MX2: variants seen among roughly 807,000 people sequenced by gnomAD.
The protein encoded by MX2 is interferon-induced GTP-binding protein Mx2.
MX2 carries 51 observed loss-of-function variants against 74.0 expected under a neutral mutation model. That is an observed-to-expected ratio of 0.69 (90% CI 0.55 to 0.87). MX2 has a LOEUF of 0.87. Ranked by LOEUF, MX2 falls within the 40% of genes least tolerant of loss-of-function variation. The pLI is 0.00. For synonymous variants in MX2, 369 were observed against 339.3 expected, an observed-to-expected ratio of 1.09 and a Z score of -0.96; for missense variants, 832 against 908.7, an observed-to-expected ratio of 0.92 and a Z score of 1.09.
At chr21:41,382,658 A>T in intron 5 of MX2, 94 bp downstream of exon 5, 1 of 1,504,386 alleles carries the variant, frequency 6.6e-7, no homozygotes, top group Non-Finnish European at 9.1e-7. Context: ...GAGCCTTTAC[A>T]CTGAGGGATG....
rs1397854976 is a variant in MX2 at position 41,402,470 on chromosome 21, G to A, written c.1573+342G>A. 6.6e-6 allele frequency among the ~76,000 whole-genome samples: 1 copy of A among 152,166 alleles called. No individual in the cohort carries two copies. Among genetic ancestry groups the A allele is most frequent in the Non-Finnish European group, 1.5e-5 (1 of 68,040 alleles). On this transcript the variant is annotated intron_variant, in intron 11 of 13. Coordinates refer to ENST00000330714, the MANE Select transcript of MX2 (RefSeq NM_002463.2). The surrounding 1 kb of genome is among the most constrained non-coding windows in gnomAD (Gnocchi z 4.5). ...TCTTGTCTTTGGGGGGCAGGCAGAG[G>A]GTGCACATGCACTTCATCTGTATCA...
chr21:41,376,920 A>T lies in MX2; in HGVS notation c.14A>T (p.His5Leu). 9 of 1,613,986 alleles carry T rather than the reference A, an allele frequency of 5.6e-6. No homozygotes were observed. Among genetic ancestry groups the T allele is most frequent in the Non-Finnish European group, 6.8e-6 (8 of 1,180,038 alleles). The change falls in exon 2 of 14, where the codon CAC (histidine) becomes CTC (leucine). Residue 5 changes from histidine to leucine, a missense_variant. Coordinates refer to ENST00000330714, the MANE Select transcript of MX2 (RefSeq NM_002463.2). The stretch of plus-strand genomic sequence containing the variant: ...GGGAGACAGCACATGTCTAAGGCCC[A>T]CAAGCCTTGGCCCTACCGGAGGAGA... MSKA[H>L]KPWPYRRRSQ...
chr21:41,382,404 C>T lies in MX2; in HGVS notation c.578-6C>T. 6.2e-7 allele frequency: 1 copy of T among 1,613,786 alleles called. No homozygotes were observed. Among genetic ancestry groups the T allele is most frequent in the Non-Finnish European group, 8.5e-7 (1 of 1,179,868 alleles). ...CTCTGGGTTTCTCCCCTCCTGGCCT[C>T]CATAGCCCAGAACGTCATGGCCGGG... On this transcript the variant is annotated splice_region_variant and splice_polypyrimidine_tract_variant and intron_variant, in intron 4 of 13. Transcript: ENST00000330714.
chr21:41,406,816 G>C lies in MX2; in HGVS notation c.1723G>C (p.Glu575Gln). ...CATGATCCAACTTCAGTTCAGAATG[G>C]AGCAGATGGTTTTTTGTCAAGATCA... is the stretch of plus-strand genomic sequence containing the variant. ...ENMIQLQFRMEQMVFCQDQIY... is the reference protein window; with the variant it reads ...ENMIQLQFRMQQMVFCQDQIY... Residue 575 changes from glutamate (E) to glutamine (Q), a missense_variant, in exon 13 of 14, where the codon GAG (glutamate) becomes CAG (glutamine). Physicochemically the swap from Glu to Gln is conservative, Grantham distance 29. Coordinates refer to ENST00000330714, the MANE Select transcript of MX2 (RefSeq NM_002463.2). 6.2e-7 allele frequency: 1 copy of C among 1,614,220 alleles called. No individual in the cohort carries two copies. The highest frequency in any genetic ancestry group is 1.1e-5 in the South Asian group (1 of 91,082).
chr21:41,362,277 G>A (rs371369460), intron 1 of MX2, among the ~76,000 whole-genome samples: 2 of 152,112 alleles, frequency 1.3e-5, no homozygotes, highest in East Asian at 1.9e-4. Flanking sequence ...GCTCTGGAGG[G>A]GAAGTGGCTG....
rs751318156 is a variant in MX2, at chr21:41,395,601, C to T, written c.886C>T (p.Pro296Ser). 3 of 1,614,138 alleles carry T rather than the reference C, an allele frequency of 1.9e-6. No individual in the cohort carries two copies. The highest frequency in any genetic ancestry group is 2.5e-6 in the Non-Finnish European group (3 of 1,180,016). The part of the protein sequence containing the change: ...GDRTIGILTK[P>S]DLMDRGTEKS... The stretch of plus-strand genomic sequence containing the variant: ...CCATCTCACAGGTATCCTGACCAAA[C>T]CAGATCTAATGGACAGGGGCACTGA... Residue 296 changes from proline (P) to serine (S), a missense_variant, in exon 7 of 14, where the codon CCA (proline) becomes TCA (serine). Physicochemically the swap from Pro to Ser is moderately conservative, Grantham distance 74 (BLOSUM62 -1). Transcript: ENST00000330714.
At chr21:41,400,789 C>G (rs2089801441) in intron 10 of MX2, 1 of 151,250 alleles carries the variant, frequency 6.6e-6, no homozygotes, top group African/African-American at 2.4e-5. Context: ...TCACTGCAAC[C>G]TCAGCCTCCC....
chr21:41,382,705 GC>G (rs2089513833), intron 5 of MX2, 141 bp downstream of exon 5: 1 of 1,122,946 alleles, frequency 8.9e-7, no homozygotes, highest in Admixed American at 2.6e-5. Flanking sequence ...CCAGGTGGGG[GC>G]CTCATGCCCA....
intron 2 of MX2, 107 bp downstream of exon 2, chr21:41,377,262 A>G (rs379839): frequency 0.54 from 791,339 of 1,459,410 alleles, 222,420 homozygotes; most frequent in African/African-American, 0.89. Context: ...CTGCTCCTCC[A>G]GCACAGCTGA....
chr21:41,372,210 C>T (rs1257986605), intron 1 of MX2, among the ~76,000 whole-genome samples: 1 of 152,208 alleles, frequency 6.6e-6, no homozygotes, highest in East Asian at 1.9e-4. Flanking sequence ...AGATAGGACT[C>T]TACCACTTCC....
Position 41,398,279 on chromosome 21 carries a change from A to G in MX2, c.1149+588A>G, listed in dbSNP as rs538403594. Among the ~76,000 whole-genome samples, 117 of 152,362 alleles carry G rather than the reference A, an allele frequency of 7.7e-4. 1 individual carries two copies. Among genetic ancestry groups the G allele is most frequent in the African/African-American group, 2.7e-3 (114 of 41,596 alleles). The stretch of plus-strand genomic sequence containing the variant: ...AGCCAAGATCGTGCCATTGCACTCC[A>G]GCCTGGGCAACAACAGCAAAATTCC... On this transcript the variant is annotated intron_variant, in intron 8 of 13. Transcript: ENST00000330714.
In MX2 at chr21:41,399,618, T is replaced by C. The variant is rs186587890; in HGVS notation, c.1414+281T>C. The C allele has an allele frequency of 9.7e-5, 29 of 300,210 alleles. No homozygotes were observed. In the East Asian group the frequency reaches 1.7e-3, roughly 18 times the overall value. 18.6% of individuals were successfully genotyped at this position (300,210 alleles called of 1,614,324 possible). On this transcript the variant is annotated intron_variant, in intron 10 of 13. Transcript: ENST00000330714. Reference sequence around the variant, plus strand: ...TCTCCCTCTGTTGCCTAGGCTGGAGTGTAGTGGCGCAATCATGACTCACTG... The same window carrying C: ...TCTCCCTCTGTTGCCTAGGCTGGAGCGTAGTGGCGCAATCATGACTCACTG...
chr21:41,392,437 A>G lies in MX2; in HGVS notation c.871+1734A>G, dbSNP rs1440006741. On this transcript the variant is annotated intron_variant, in intron 6 of 13. Transcript: ENST00000330714. Reference sequence around the variant, plus strand: ...AAAAGGACTAACACTGGGTGATTCTACCTTATTTGAGGTCCCTAGGGTAGT... The same window carrying G: ...AAAAGGACTAACACTGGGTGATTCTGCCTTATTTGAGGTCCCTAGGGTAGT... Among the ~76,000 whole-genome samples the G allele has an allele frequency of 7.9e-5, 12 of 152,344 alleles. No individual in the cohort carries two copies. The East Asian group carries it at 2.1e-3, about 27-fold the overall frequency.
At chr21:41,393,251 A>G (rs2089687674) in intron 6 of MX2, among the ~76,000 whole-genome samples, 1 of 152,206 alleles carries the variant, frequency 6.6e-6, no homozygotes, top group Non-Finnish European at 1.5e-5. Context: ...AGTTTCAAAA[A>G]GAACAGTGGG....
chr21:41,377,112 A>G lies in MX2; in HGVS notation c.206A>G (p.Asn69Ser), dbSNP rs771703409. 3.1e-6 allele frequency: 5 copies of G among 1,614,088 alleles called. No homozygotes were observed. Among genetic ancestry groups the G allele is most frequent in the African/African-American group, 2.7e-5 (2 of 74,928 alleles). The part of the protein sequence containing the change: ...LAKDFNFLTL[N>S]NQPPPGNRSQ... ...AAGGACTTCAACTTTCTCACTTTGA[A>G]CAATCAGCCACCACCAGGAAACAGG... The change falls in exon 2 of 14, where the codon AAC (asparagine) becomes AGC (serine). Residue 69 changes from asparagine (N) to serine (S), a missense_variant. Coordinates refer to ENST00000330714, the MANE Select transcript of MX2 (RefSeq NM_002463.2).
rs992826810 is a variant in MX2 at position 41,363,116 on chromosome 21, A to G, written c.-72+1061A>G. 6.6e-6 allele frequency among the ~76,000 whole-genome samples: 1 copy of G among 152,136 alleles called. No individual in the cohort carries two copies. The highest frequency in any genetic ancestry group is 1.5e-5 in the Non-Finnish European group (1 of 68,018). The stretch of plus-strand genomic sequence containing the variant: ...ATTTTGTGTTTAGAATGTTGTCTCT[A>G]GCTGTTTAAAAAGATCAGGATTCCA... On this transcript the variant is annotated intron_variant, in intron 1 of 13. Transcript: ENST00000330714. This position sits in a 1 kb window ranked among gnomAD's most constrained non-coding sequence, Gnocchi z 4.2.
At chr21:41,394,296 G>A (rs1211361132) in intron 6 of MX2, among the ~76,000 whole-genome samples, 2 of 152,046 alleles carry the variant, frequency 1.3e-5, no homozygotes, top group Non-Finnish European at 2.9e-5. Context: ...TCTCTGCCTT[G>A]CTCATGACCC....
intron 4 of MX2, among the ~76,000 whole-genome samples, chr21:41,381,970 G>A (rs2089501980): frequency 6.6e-6 from 1 of 152,146 alleles, no homozygotes; most frequent in Admixed American, 6.5e-5. Flanking sequence ...ATGCATTTAG[G>A]AACTAGTCAC....
Position 41,398,964 on chromosome 21 carries a change from G to A in MX2, c.1217G>A (p.Arg406His), listed in dbSNP as rs770483469. The A allele has an allele frequency of 1.2e-5, 20 of 1,613,942 alleles. No individual in the cohort carries two copies. The highest frequency in any genetic ancestry group is 4.4e-5 in the South Asian group (4 of 91,092). The stretch of plus-strand genomic sequence containing the variant: ...CAGAAGGCGACCGAGGAGCTGCGGC[G>A]TTGCGGGGCTGACATCCCCAGCCAG... ...SHQKATEELR[R>H]CGADIPSQEA... The change falls in exon 9 of 14, where the codon CGT (arginine) becomes CAT (histidine). Residue 406 changes from arginine to histidine, a missense_variant. Coordinates refer to ENST00000330714, the MANE Select transcript of MX2 (RefSeq NM_002463.2).
Sources: allele counts gnomAD v4.1 joint callset (sites outside exome capture counted in the v4.1 genomes callset), GRCh38; gene constraint gnomAD v4.1.1; non-coding constraint Gnocchi (gnomAD v3.1); transcripts MANE v1.5; gene names NCBI Gene and HGNC (gene_info 2026-07-23, HGNC 2026-07-21).